RASGEF1C: variants seen among roughly 807,000 people sequenced by gnomAD.
RASGEF1C encodes ras-GEF domain-containing family member 1C.
Under a neutral mutation model 58.1 loss-of-function variants are expected in RASGEF1C, and 27 were observed. The ratio of observed to expected loss-of-function variants is 0.46; its 90% confidence interval spans 0.34 to 0.64. The LOEUF (loss-of-function observed/expected upper bound fraction) is 0.64. Among genes scored for constraint, RASGEF1C ranks in the 30% least tolerant of loss-of-function variants. RASGEF1C has a pLI of 0.01. For synonymous variants in RASGEF1C, 243 were observed against 246.3 expected (o/e 0.99, Z 0.13); for missense variants, 502 against 605.1 (o/e 0.83, Z 1.79).
intron 1 of RASGEF1C, among the ~76,000 whole-genome samples, chr5:180,178,241 G>T (rs1445859910): frequency 1.4e-5 from 2 of 144,252 alleles, no homozygotes; most frequent in Non-Finnish European, 3.0e-5. Context: ...CCAAAGTGCT[G>T]GGATTACACG....
At chr5:180,179,290 G>A (rs763798408) in intron 1 of RASGEF1C, among the ~76,000 whole-genome samples, 1 of 152,136 alleles carries the variant, frequency 6.6e-6, no homozygotes, top group Non-Finnish European at 1.5e-5. Flanking sequence ...TGAGATGAGG[G>A]AGGCTGCAGG....
chr5:180,148,550 G>A (rs1766693800), intron 1 of RASGEF1C, among the ~76,000 whole-genome samples: 1 of 152,008 alleles, frequency 6.6e-6, no homozygotes, highest in African/African-American at 2.4e-5. Context: ...ACATCCTAAA[G>A]TTACAACACT....
chr5:180,125,675 G>A (rs1239484898), intron 6 of RASGEF1C, among the ~76,000 whole-genome samples: 4 of 152,006 alleles, frequency 2.6e-5, no homozygotes, highest in East Asian at 1.9e-4. Flanking sequence ...CCAGCTACTC[G>A]GGAGGCTGAG....
chr5:180,151,765 A>G (rs1331168602), intron 1 of RASGEF1C, among the ~76,000 whole-genome samples: 2 of 152,040 alleles, frequency 1.3e-5, no homozygotes, highest in Non-Finnish European at 2.9e-5. Flanking sequence ...AGAAACTACC[A>G]TCAGAGTGAA....
intron 1 of RASGEF1C, among the ~76,000 whole-genome samples, chr5:180,151,727 TTAAAC>T (rs1766747971): frequency 1.3e-5 from 2 of 151,886 alleles, no homozygotes; most frequent in South Asian, 4.1e-4. Context: ...TGGGATCTAA[TTAAAC>T]TAAAGAGCTT....
Position 180,158,213 on chromosome 5 carries a change from G to A in RASGEF1C, c.-6-20155C>T, listed in dbSNP as rs1031603752. Among the ~76,000 whole-genome samples, 4 of 152,168 alleles carry A rather than the reference G, an allele frequency of 2.6e-5. No individual in the cohort carries two copies. The highest frequency in any genetic ancestry group is 1.3e-4 in the Admixed American group (2 of 15,280). On this transcript the variant is annotated intron_variant, in intron 1 of 13. Transcript: ENST00000361132. This position sits in a 1 kb window ranked among gnomAD's most constrained non-coding sequence, Gnocchi z 4.0. ...TCCTAGCTCACGCTGCTGCAGTGGG[G>A]CTCAGTTGCCCTCTGGATGTGGTAC... is the stretch of plus-strand genomic sequence containing the variant.
rs1377855833 is a variant in RASGEF1C at position 180,146,037 on chromosome 5, T to C, written c.-6-7979A>G. On this transcript the variant is annotated intron_variant, in intron 1 of 13. Transcript: ENST00000361132. ...TTGATAGTGTCCTTTGAGGCACAAA[T>C]GTTTTCCATTTTGATGAAGTCCAAT... Among the ~76,000 whole-genome samples, 3 of 152,238 alleles carry C rather than the reference T, an allele frequency of 2.0e-5. No homozygotes were observed. In the East Asian group the frequency reaches 5.8e-4, roughly 29 times the overall value.
intron 1 of RASGEF1C, among the ~76,000 whole-genome samples, chr5:180,178,860 A>G (rs1413895624): frequency 6.6e-6 from 1 of 152,050 alleles, no homozygotes; most frequent in Non-Finnish European, 1.5e-5. Flanking sequence ...TGGAGGGGAC[A>G]GCTGGTCTAA....
At chr5:180,134,647 T>C (rs6883804) in intron 4 of RASGEF1C, among the ~76,000 whole-genome samples, 56,143 of 149,600 alleles carry the variant, frequency 0.38, 10,788 homozygotes, top group Middle Eastern at 0.49. Flanking sequence ...CCTTCCTTCC[T>C]TCTAACATCT....
intron 1 of RASGEF1C, among the ~76,000 whole-genome samples, chr5:180,151,183 C>T (rs1274311326): frequency 6.6e-6 from 1 of 152,052 alleles, no homozygotes; most frequent in African/African-American, 2.4e-5. Flanking sequence ...ATCAAGCTAC[C>T]AATGACTTTC....
At chr5:180,191,577 C>T (rs1433669727) in intron 1 of RASGEF1C, among the ~76,000 whole-genome samples, 3 of 151,960 alleles carry the variant, frequency 2.0e-5, no homozygotes, top group Non-Finnish European at 2.9e-5. Context: ...AGGATGGTCT[C>T]CATCTCCTGA....
intron 1 of RASGEF1C, among the ~76,000 whole-genome samples, chr5:180,180,147 A>C (rs1463212175): frequency 1.3e-5 from 2 of 152,196 alleles, no homozygotes; most frequent in African/African-American, 4.8e-5. Context: ...CAATTACACA[A>C]AAAGGCAGCG....
chr5:180,145,401 G>A (rs569748868), intron 1 of RASGEF1C, among the ~76,000 whole-genome samples: 23 of 152,284 alleles, frequency 1.5e-4, no homozygotes, highest in African/African-American at 5.3e-4. Flanking sequence ...GATTACAGGC[G>A]TGAGCCACCG....
intron 5 of RASGEF1C, 100 bp from the exon 6 acceptor site, chr5:180,127,783 CAA>C: frequency 2.7e-6 from 3 of 1,100,954 alleles, no homozygotes; most frequent in Non-Finnish European, 3.9e-6. Flanking sequence ...GTCCTCCTCA[CAA>C]CAGTCACTCT....
intron 1 of RASGEF1C, among the ~76,000 whole-genome samples, chr5:180,144,638 C>T (rs1766636559): frequency 6.6e-6 from 1 of 151,808 alleles, no homozygotes; most frequent in Admixed American, 6.6e-5. Flanking sequence ...GACCCTGCCT[C>T]TACCAAAAAA....
chr5:180,149,066 A>T (rs11249674), intron 1 of RASGEF1C, among the ~76,000 whole-genome samples: 139,029 of 149,204 alleles, frequency 0.93, 65,504 homozygotes, highest in East Asian at 1. Flanking sequence ...TTTCTTTTCT[A>T]CTTTTTCTTT....
In RASGEF1C at chr5:180,136,603, C is replaced by G; in HGVS notation, c.301-88G>C. On this transcript the variant is annotated intron_variant, in intron 3 of 13. Coordinates refer to ENST00000361132, the MANE Select transcript of RASGEF1C (RefSeq NM_175062.4). ...GCGCGTCCTTGCGGGTCTGGCCGCC[C>G]GGGGCAGGCAGGGCCTCGTGCCCTC... 4 of 1,430,792 alleles carry G rather than the reference C, an allele frequency of 2.8e-6. No homozygotes were observed. The African/African-American group carries it at 4.3e-5, about 15-fold the overall frequency. 88.6% of individuals were successfully genotyped at this position (1,430,792 alleles called of 1,614,324 possible).
At chr5:180,120,968 G>T in intron 7 of RASGEF1C, 92 bp downstream of exon 7, 1 of 865,440 alleles carries the variant, frequency 1.2e-6, no homozygotes, top group Non-Finnish European at 2.0e-6. Flanking sequence ...TAAGACTCAA[G>T]GTGTCCTTCC....
intron 1 of RASGEF1C, among the ~76,000 whole-genome samples, chr5:180,166,386 T>A (rs1444462692): frequency 6.6e-6 from 1 of 152,200 alleles, no homozygotes; most frequent in Non-Finnish European, 1.5e-5. Context: ...GTCCTTCCAG[T>A]ATCACTTCCC....
Sources: gnomAD v4.1 joint callset for allele counts (sites outside exome capture counted in the v4.1 genomes callset) on GRCh38, gnomAD v4.1.1 for gene constraint, Gnocchi (gnomAD v3.1) non-coding constraint, MANE v1.5 for transcripts, NCBI Gene and HGNC (gene_info 2026-07-23, HGNC 2026-07-21) for gene names.